DLG2: variants seen among roughly 807,000 people sequenced by gnomAD.
DLG2 encodes the protein disks large homolog 2.
Under a neutral mutation model 132.5 loss-of-function variants are expected in DLG2, and 45 were observed. That is an observed-to-expected ratio of 0.34 (90% CI 0.27 to 0.44). The LOEUF (loss-of-function observed/expected upper bound fraction) is 0.44, where lower values mean the gene tolerates loss of function less well. Ranked by LOEUF, DLG2 falls within the 20% of genes least tolerant of loss-of-function variation. The pLI is 1.00. For missense variants in DLG2, 1,045 were observed against 1,196.9 expected (o/e 0.87, Z 1.87); for synonymous variants, 424 against 419.6 (o/e 1.01, Z -0.13).
chr11:84,057,671 T>C (rs1192627825), intron 11 of DLG2, among the ~76,000 whole-genome samples: 2 of 152,208 alleles, frequency 1.3e-5, no homozygotes, highest in South Asian at 2.1e-4. Context: ...TAAATAATAG[T>C]ACAGATAACA....
intron 7 of DLG2, among the ~76,000 whole-genome samples, chr11:84,506,056 A>C (rs1287849628): frequency 6.8e-6 from 1 of 146,528 alleles, no homozygotes; most frequent in Non-Finnish European, 1.5e-5. Flanking sequence ...AGTTTGCTCT[A>C]ATGTTATGAC....
intron 18 of DLG2, among the ~76,000 whole-genome samples, chr11:83,690,955 A>C (rs2080887122): frequency 6.6e-6 from 1 of 152,182 alleles, no homozygotes; most frequent in South Asian, 2.1e-4. Flanking sequence ...GGCAAAGTTG[A>C]CTATTTCAAT....
intron 3 of DLG2, among the ~76,000 whole-genome samples, chr11:85,434,561 C>T (rs1158156196): frequency 2.0e-5 from 3 of 152,104 alleles, no homozygotes; most frequent in African/African-American, 7.2e-5. Flanking sequence ...TGCAAATAAA[C>T]TAGGAAGTCT....
At chr11:85,263,775 C>T (rs1037874968) in intron 4 of DLG2, among the ~76,000 whole-genome samples, 2 of 152,106 alleles carry the variant, frequency 1.3e-5, no homozygotes, top group Non-Finnish European at 2.9e-5. Context: ...AGCTGGAAAA[C>T]AGGAAAGGGG....
intron 11 of DLG2, among the ~76,000 whole-genome samples, chr11:84,048,160 T>C (rs1293105054): frequency 6.6e-6 from 1 of 151,416 alleles, no homozygotes; most frequent in Non-Finnish European, 1.5e-5. Context: ...ATAATAATAA[T>C]AATAATAATA....
At chr11:83,749,973 A>C (rs1347921853) in intron 18 of DLG2, among the ~76,000 whole-genome samples, 1 of 152,216 alleles carries the variant, frequency 6.6e-6, no homozygotes, top group East Asian at 1.9e-4. Context: ...TTGAATAAAC[A>C]TAATTCTTCA....
chr11:84,797,518 T>A (rs754586510), intron 6 of DLG2, among the ~76,000 whole-genome samples: 1 of 152,218 alleles, frequency 6.6e-6, no homozygotes, highest in South Asian at 2.1e-4. Flanking sequence ...GATGCTGTGA[T>A]GCATTCTTTA....
intron 3 of DLG2, among the ~76,000 whole-genome samples, chr11:85,582,813 T>C (rs1034987898): frequency 6.7e-6 from 1 of 150,068 alleles, no homozygotes; most frequent in Non-Finnish European, 1.5e-5. Context: ...ATATGCAGTA[T>C]AATTTGTTTC....
In DLG2 at chr11:84,935,813, A is replaced by G. The variant is rs569708399; in HGVS notation, c.357+175848T>C. 5.3e-5 allele frequency among the ~76,000 whole-genome samples: 8 copies of G among 152,288 alleles called. No individual in the cohort carries two copies. The South Asian group carries it at 1.7e-3, about 32-fold the overall frequency. ...GCTTTCCCTTCTACCTGTACCCCAC[A>G]TGACCCTGCATCTAGCCAAAACATA... On this transcript the variant is annotated intron_variant, in intron 6 of 27. Transcript: ENST00000376104.
intron 3 of DLG2, among the ~76,000 whole-genome samples, chr11:85,441,370 C>A (rs1318887897): frequency 6.6e-6 from 1 of 152,122 alleles, no homozygotes; most frequent in Admixed American, 6.5e-5. Flanking sequence ...ATAACCAATC[C>A]TTTATAATAG....
intron 20 of DLG2, among the ~76,000 whole-genome samples, chr11:83,534,194 CT>C (rs780622306): frequency 3.9e-5 from 6 of 152,282 alleles, no homozygotes; most frequent in Middle Eastern, 3.4e-3. Context: ...TCTTGATTTC[CT>C]TGTGTTTACT....
At chr11:84,618,983 G>T (rs2099609278) in intron 6 of DLG2, among the ~76,000 whole-genome samples, 1 of 151,772 alleles carries the variant, frequency 6.6e-6, no homozygotes, top group African/African-American at 2.4e-5. Context: ...AGATGATGTA[G>T]GTACAAATTT....
intron 6 of DLG2, among the ~76,000 whole-genome samples, chr11:84,605,409 ATAGT>A (rs1269059006): frequency 1.3e-5 from 2 of 151,968 alleles, no homozygotes; most frequent in Non-Finnish European, 2.9e-5. Flanking sequence ...ATCAATGATA[ATAGT>A]TACTTTTCTA....
At chr11:84,216,810 A>C (rs1267640027) in intron 8 of DLG2, among the ~76,000 whole-genome samples, 1 of 152,210 alleles carries the variant, frequency 6.6e-6, no homozygotes, top group African/African-American at 2.4e-5. Flanking sequence ...AGAAGCTTAA[A>C]TATGGTAGGA....
At chr11:85,187,446 T>G (rs948319549) in intron 4 of DLG2, among the ~76,000 whole-genome samples, 3 of 152,148 alleles carry the variant, frequency 2.0e-5, no homozygotes, top group Non-Finnish European at 4.4e-5. Context: ...CTGCTTTTAA[T>G]GTTATTAATT....
intron 6 of DLG2, among the ~76,000 whole-genome samples, chr11:84,794,316 T>C (rs927808081): frequency 6.6e-6 from 1 of 152,226 alleles, no homozygotes; most frequent in Non-Finnish European, 1.5e-5. Flanking sequence ...GAGAATCTGA[T>C]GGCAGTGGTG....
intron 7 of DLG2, among the ~76,000 whole-genome samples, chr11:84,462,887 A>G (rs934851082): frequency 4.0e-5 from 6 of 151,216 alleles, no homozygotes; most frequent in Non-Finnish European, 7.4e-5. Context: ...GATATCACAC[A>G]CTGATCTTTT....
chr11:83,462,462 C>T (rs951859517), intron 26 of DLG2, among the ~76,000 whole-genome samples: 6 of 152,152 alleles, frequency 3.9e-5, no homozygotes, highest in Non-Finnish European at 7.4e-5. Context: ...AATAAACTGT[C>T]CTATTGCTTC....
intron 7 of DLG2, among the ~76,000 whole-genome samples, chr11:84,280,504 G>A (rs865922144): frequency 6.6e-6 from 1 of 151,754 alleles, no homozygotes; most frequent in Non-Finnish European, 1.5e-5. Context: ...CCTGACCTCA[G>A]GTGATCTGCC....
Sources: allele counts gnomAD v4.1 joint callset (sites outside exome capture counted in the v4.1 genomes callset), GRCh38; gene constraint gnomAD v4.1.1; transcripts MANE v1.5; gene names NCBI Gene and HGNC (gene_info 2026-07-23, HGNC 2026-07-21).